Variants in KCTD1 observed in about 807,000 individuals in gnomAD.
KCTD1 encodes BTB/POZ domain-containing protein KCTD1.
Under a neutral mutation model 66.0 loss-of-function variants are expected in KCTD1, and 24 were observed. That is an observed-to-expected ratio of 0.36 (90% CI 0.26 to 0.51). KCTD1 has a LOEUF of 0.51. Ranked by LOEUF, KCTD1 falls within the 20% of genes least tolerant of loss-of-function variation. The probability of loss-of-function intolerance (pLI) is 0.95; values close to 1 mark genes in which losing one functional copy is unlikely to be tolerated. For synonymous variants in KCTD1, 511 were observed against 517.2 expected (o/e 0.99, Z 0.16); for missense variants, 943 against 1,205.2 (o/e 0.78, Z 3.22).
intron 2 of KCTD1, among the ~76,000 whole-genome samples, chr18:26,490,097 GAGTC>G (rs1982117867): frequency 6.6e-6 from 1 of 152,194 alleles, no homozygotes; most frequent in African/African-American, 2.4e-5. Context: ...GATTGTGCCA[GAGTC>G]AATAGGAAAG....
chr18:26,547,288 C>A lies in KCTD1; in HGVS notation c.1249G>T (p.Asp417Tyr). The A allele has an allele frequency of 6.4e-7, 1 of 1,551,672 alleles. No individual in the cohort carries two copies. The highest frequency in any genetic ancestry group is 8.7e-7 in the Non-Finnish European group (1 of 1,146,990). ...QRPRDHCSEG[D>Y]VTWYENKAIG... ...GCTTTGTTCTCGTACCAGGTCACAT[C>A]GCCCTCGCTGCAGTGGTCCCGGGGC... The change falls in exon 1 of 5, where the codon GAT (aspartate) becomes TAT (tyrosine). Residue 417 changes from aspartate (D) to tyrosine (Y), a missense_variant. Transcript: ENST00000580059.
chr18:26,543,485 C>T (rs1985070061), intron 1 of KCTD1: 1 of 152,212 alleles, frequency 6.6e-6, no homozygotes, highest in African/African-American at 2.4e-5. Flanking sequence ...ATTAAATATT[C>T]CTTCTTCCTT....
upstream of KCTD1, among the ~76,000 whole-genome samples, chr18:26,629,724 C>CTTT (rs11379360): frequency 0.03 from 4,340 of 144,984 alleles, 103 homozygotes; most frequent in Non-Finnish European, 0.043. Context: ...ACCCCCCCGC[C>CTTT]TTTTTTTTTT....
intron 1 of KCTD1, among the ~76,000 whole-genome samples, chr18:26,528,319 T>TG (rs1349044733): frequency 1.1e-4 from 16 of 152,154 alleles, no homozygotes; most frequent in Non-Finnish European, 1.9e-4. Context: ...CCCAGGATGG[T>TG]GGGGGGAAGG....
chr18:26,558,867 G>A (rs1412606618), intron 1 of KCTD1, among the ~76,000 whole-genome samples: 1 of 151,952 alleles, frequency 6.6e-6, no homozygotes, highest in Non-Finnish European at 1.5e-5. Flanking sequence ...AGGTTGCAGT[G>A]AGCCGAGATT....
intron 1 of KCTD1, among the ~76,000 whole-genome samples, chr18:26,514,735 A>T (rs918827455): frequency 3.9e-5 from 6 of 152,136 alleles, no homozygotes; most frequent in African/African-American, 1.2e-4. Flanking sequence ...TTGTCCTCAG[A>T]AGATATAGAC....
chr18:26,578,799 G>A (rs888543937), intron 1 of KCTD1, among the ~76,000 whole-genome samples: 1 of 152,180 alleles, frequency 6.6e-6, no homozygotes, highest in Non-Finnish European at 1.5e-5. Context: ...AATTACAGTG[G>A]ATGCCTTACC....
chr18:26,581,246 T>G (rs1039929002), intron 1 of KCTD1: 1 of 152,230 alleles, frequency 6.6e-6, no homozygotes, highest in African/African-American at 2.4e-5. Context: ...GTGTCTGTTT[T>G]GTACATGTTT....
At chr18:26,545,216 T>A (rs1304171642) in intron 1 of KCTD1, 1 of 152,134 alleles carries the variant, frequency 6.6e-6, no homozygotes, top group Non-Finnish European at 1.5e-5. Context: ...AACTCTTAAT[T>A]AATCAGGTGC....
At chr18:26,633,196 A>G (rs1334619752), upstream of KCTD1, among the ~76,000 whole-genome samples, 3 of 152,200 alleles carry the variant, frequency 2.0e-5, no homozygotes, top group Non-Finnish European at 2.9e-5. Flanking sequence ...TATACATCAT[A>G]TATCAAATGT....
At chr18:26,522,986 C>T (rs1983985491) in intron 1 of KCTD1, among the ~76,000 whole-genome samples, 1 of 152,168 alleles carries the variant, frequency 6.6e-6, no homozygotes, top group East Asian at 1.9e-4. Flanking sequence ...TGTTAGCTGA[C>T]AGCCATGGGG....
intron 1 of KCTD1, among the ~76,000 whole-genome samples, chr18:26,502,591 T>C (rs1347297889): frequency 6.6e-6 from 1 of 152,228 alleles, no homozygotes; most frequent in Non-Finnish European, 1.5e-5. Flanking sequence ...TGCTTTTCAA[T>C]TAGAGCCCAA....
intron 3 of KCTD1, among the ~76,000 whole-genome samples, chr18:26,463,409 C>CCAT (rs1337138278): frequency 6.6e-6 from 1 of 151,426 alleles, no homozygotes; most frequent in Non-Finnish European, 1.5e-5. Flanking sequence ...CGAGAAAGAC[C>CCAT]CATCTCAAAA....
At chr18:26,484,580 C>T (rs1981819865) in intron 2 of KCTD1, among the ~76,000 whole-genome samples, 1 of 152,198 alleles carries the variant, frequency 6.6e-6, no homozygotes, top group Non-Finnish European at 1.5e-5. Flanking sequence ...TAGAGGGTTA[C>T]ATTGACTGTT....
intron 3 of KCTD1, among the ~76,000 whole-genome samples, chr18:26,461,757 CTTT>C (rs990021488): frequency 6.6e-6 from 1 of 152,196 alleles, no homozygotes; most frequent in African/African-American, 2.4e-5. Context: ...TATGCTATTG[CTTT>C]TTATTTTCTT....
chr18:26,603,434 A>AC (rs1986943431), intron 1 of KCTD1, among the ~76,000 whole-genome samples: 5 of 151,164 alleles, frequency 3.3e-5, no homozygotes, highest in Admixed American at 3.3e-4. Flanking sequence ...CCCTGTTAAA[A>AC]AAAAAAAAAA....
At chr18:26,579,646 C>G (rs1986307765) in intron 1 of KCTD1, among the ~76,000 whole-genome samples, 1 of 152,162 alleles carries the variant, frequency 6.6e-6, no homozygotes, top group South Asian at 2.1e-4. Context: ...ATGCAAAACA[C>G]AAAAGTTATT....
At chr18:26,651,799 A>AAAAAAAAAAGAAGAAG (rs764181233) in intron 1 of KCTD1, among the ~76,000 whole-genome samples, 1 of 117,116 alleles carries the variant, frequency 8.5e-6, no homozygotes, top group African/African-American at 3.6e-5. Context: ...AAAAAAAAAA[A>AAAAAAAAAAGAAGAAG]AAGAAGAAGA....
At chr18:26,484,111 A>G (rs1981791625) in intron 2 of KCTD1, among the ~76,000 whole-genome samples, 1 of 152,240 alleles carries the variant, frequency 6.6e-6, no homozygotes, top group Non-Finnish European at 1.5e-5. Context: ...CATAAACAGC[A>G]TTTAATTCGT....
Sources: gnomAD v4.1 joint callset for allele counts (sites outside exome capture counted in the v4.1 genomes callset) on GRCh38, gnomAD v4.1.1 for gene constraint, MANE v1.5 for transcripts, NCBI Gene and HGNC (gene_info 2026-07-23, HGNC 2026-07-21) for gene names.